The following NRP2 variants were observed in gnomAD, a reference collection of about 807,000 sequenced individuals.
NRP2 encodes neuropilin 2, also known as neuropilin-2.
NRP2 carries 52 observed loss-of-function variants against 110.4 expected under a neutral mutation model. The observed-to-expected ratio is 0.47, with a 90% CI of 0.38 to 0.59. The LOEUF (loss-of-function observed/expected upper bound fraction) is 0.59. Among genes scored for constraint, NRP2 ranks in the 20% least tolerant of loss-of-function variants. The pLI is 0.00. For synonymous variants in NRP2, 508 were observed against 468.9 expected (o/e 1.08, Z -1.08); for missense variants, 1,049 against 1,203.0 (o/e 0.87, Z 1.89).
chr2:205,781,617 C>T (rs184807597), intron 15 of NRP2, among the ~76,000 whole-genome samples: 1 of 152,328 alleles, frequency 6.6e-6, no homozygotes, highest in African/African-American at 2.4e-5. Flanking sequence ...GCATTGTGGG[C>T]TACACATCTG....
At chr2:205,704,105 T>C (rs561842018) in intron 2 of NRP2, among the ~76,000 whole-genome samples, 55 of 152,268 alleles carry the variant, frequency 3.6e-4, no homozygotes, top group Non-Finnish European at 5.7e-4. Context: ...CCGCCGCCAG[T>C]GGAATGCCTG....
At chr2:205,765,125 A>C (rs2057892869) in intron 13 of NRP2, among the ~76,000 whole-genome samples, 1 of 152,172 alleles carries the variant, frequency 6.6e-6, no homozygotes, top group Admixed American at 6.5e-5. Context: ...AAGATTTATG[A>C]GACAGGAACC....
rs1427268335 is a variant in NRP2 at position 205,738,571 on chromosome 2, G to A, written c.1147-1948G>A. Among the ~76,000 whole-genome samples, 4 of 152,202 alleles carry A rather than the reference G, an allele frequency of 2.6e-5. No homozygotes were observed. In the East Asian group the frequency reaches 5.8e-4, roughly 22 times the overall value. On this transcript the variant is annotated intron_variant, in intron 7 of 16. Transcript: ENST00000357785. ...ACTCCCCTTGGGCCTTCTCCAGGGT[G>A]TCTGGCCCTAACCTTCTTTCCTTCC...
At chr2:205,776,875 A>C (rs996998064) in intron 15 of NRP2, 1 of 1,207,248 alleles carries the variant, frequency 8.3e-7, no homozygotes, top group Non-Finnish European at 1.0e-6. Flanking sequence ...CTTATCCCAT[A>C]CCTCCTCTCA....
At position 205,769,482 on chromosome 2, in the gene NRP2, CTG is replaced by C. The variant is rs552401929; in HGVS notation, c.2425+2689_2425+2690del. Among the ~76,000 whole-genome samples the C allele has an allele frequency of 2.2e-3, 316 of 141,510 alleles. 5 individuals are homozygous for C. The South Asian group carries it at 0.033, about 15-fold the overall frequency. 92.8% of individuals were successfully genotyped at this position (141,510 alleles called of 152,430 possible). ...AATTTAAATCATCCTGTGTTTTCTG[CTG>C]TGTGTGTGTATATACATACATACAC... On this transcript the variant is annotated intron_variant, in intron 15 of 16. Transcript: ENST00000357785.
intron 15 of NRP2, among the ~76,000 whole-genome samples, chr2:205,771,431 C>T (rs1272683430): frequency 6.6e-6 from 1 of 152,194 alleles, no homozygotes; most frequent in Non-Finnish European, 1.5e-5. Flanking sequence ...ACCAGCACTT[C>T]ATTTTTAACC....
In NRP2 at chr2:205,740,669, G is replaced by C. The variant is rs750026597; in HGVS notation, c.1291+6G>C. 6.2e-7 allele frequency: 1 copy of C among 1,614,010 alleles called. No homozygotes were observed. The highest frequency in any genetic ancestry group is 2.2e-5 in the East Asian group (1 of 44,878). On this transcript the variant is annotated splice_donor_region_variant and intron_variant, in intron 8 of 16. Coordinates refer to ENST00000357785, the MANE Select transcript of NRP2 (RefSeq NM_003872.3). ...CTTCGGCTGCCGGGTCACAGGTGAG[G>C]TGGGGGCTCCAATGAGGTTGGGGTG... is the stretch of plus-strand genomic sequence containing the variant.
chr2:205,789,132 C>T (rs998508596), intron 15 of NRP2, among the ~76,000 whole-genome samples: 2 of 152,178 alleles, frequency 1.3e-5, no homozygotes, highest in African/African-American at 2.4e-5. Flanking sequence ...ATAAGGCAGA[C>T]TCTTTTATTT....
At chr2:205,758,615 C>T (rs970968794) in intron 12 of NRP2, among the ~76,000 whole-genome samples, 1 of 152,190 alleles carries the variant, frequency 6.6e-6, no homozygotes, top group African/African-American at 2.4e-5. Flanking sequence ...GATTGTTTTC[C>T]CTGTATCATT....
chr2:205,736,400 T>C (rs1470304735), intron 7 of NRP2, among the ~76,000 whole-genome samples: 1 of 152,172 alleles, frequency 6.6e-6, no homozygotes, highest in African/African-American at 2.4e-5. Context: ...GACATCCAGC[T>C]TCTAAAGCAG....
intron 7 of NRP2, among the ~76,000 whole-genome samples, chr2:205,735,096 A>G (rs545651082): frequency 9.2e-5 from 14 of 152,286 alleles, no homozygotes; most frequent in African/African-American, 3.4e-4. Context: ...TCCTCCAAGG[A>G]GCTCAAAGAC....
At chr2:205,781,196 C>G (rs965842162) in intron 15 of NRP2, among the ~76,000 whole-genome samples, 6 of 152,278 alleles carry the variant, frequency 3.9e-5, no homozygotes, top group Admixed American at 2.6e-4. Flanking sequence ...AGTCCCAAGA[C>G]TTATTTTAAG....
At chr2:205,691,107 ATGAGTC>A (rs2105872676) in intron 1 of NRP2, among the ~76,000 whole-genome samples, 1 of 152,288 alleles carries the variant, frequency 6.6e-6, no homozygotes, top group East Asian at 1.9e-4. Flanking sequence ...CCAAATCTTG[ATGAGTC>A]TGACTTTTGG....
intron 15 of NRP2, among the ~76,000 whole-genome samples, chr2:205,783,284 G>C (rs2058197810): frequency 6.6e-6 from 1 of 152,106 alleles, no homozygotes; most frequent in Admixed American, 6.5e-5. Context: ...AGCTGTGGTG[G>C]CTGTGTCACT....
chr2:205,714,942 CT>C (rs1293532058), intron 2 of NRP2, among the ~76,000 whole-genome samples: 10 of 152,220 alleles, frequency 6.6e-5, no homozygotes, highest in African/African-American at 2.4e-4. Flanking sequence ...TGACAGGATC[CT>C]TTGGCAGGCA....
At position 205,794,978 on chromosome 2, in the gene NRP2, G is replaced by A; in HGVS notation, c.2701G>A (p.Glu901Lys). The A allele has an allele frequency of 6.2e-7, 1 of 1,614,156 alleles. No individual in the cohort carries two copies. The highest frequency in any genetic ancestry group is 1.3e-5 in the African/African-American group (1 of 75,022). The change falls in exon 17 of 17, where the codon GAG becomes AAG. Residue 901 changes from glutamate (E) to lysine (K), a missense_variant. By Grantham distance (56) the Glu-to-Lys change is moderately conservative. Coordinates refer to ENST00000357785, the MANE Select transcript of NRP2 (RefSeq NM_003872.3). Reference sequence around the variant, plus strand: ...GAGCTCCCGAAGCTGCACCACACTGGAGAACTACAACTTCGAGCTCTACGA... The same window carrying A: ...GAGCTCCCGAAGCTGCACCACACTGAAGAACTACAACTTCGAGCTCTACGA... ...GLSSRSCTTL[E>K]NYNFELYDGL...
chr2:205,727,787 T>C (rs2057155559), intron 6 of NRP2, 104 bp from the exon 7 acceptor site: 1 of 1,146,244 alleles, frequency 8.7e-7, no homozygotes, highest in African/African-American at 1.5e-5. Context: ...GAATCACAGA[T>C]ACAGGTTGGA....
At chr2:205,758,275 G>A (rs555841568) in intron 12 of NRP2, among the ~76,000 whole-genome samples, 2 of 152,292 alleles carry the variant, frequency 1.3e-5, no homozygotes, top group East Asian at 3.9e-4. Context: ...TCTTTCAGAT[G>A]GTCGTTCTAG....
intron 9 of NRP2, among the ~76,000 whole-genome samples, chr2:205,745,383 G>T (rs2057519681): frequency 6.6e-6 from 1 of 152,154 alleles, no homozygotes; most frequent in African/African-American, 2.4e-5. Context: ...AACGGTCAAA[G>T]ATCGCCCAAA....
Sources: allele counts gnomAD v4.1 joint callset (sites outside exome capture counted in the v4.1 genomes callset), GRCh38; gene constraint gnomAD v4.1.1; transcripts MANE v1.5; gene names NCBI Gene and HGNC (gene_info 2026-07-23, HGNC 2026-07-21).